CHD2: variants seen among roughly 807,000 people sequenced by gnomAD.
CHD2 encodes chromodomain helicase DNA binding protein 2, also known as ATP-dependent chromatin remodeler CHD2.
In CHD2, 28 loss-of-function variants were observed where a neutral mutation model predicts 243.9. The ratio of observed to expected loss-of-function variants is 0.11; its 90% CI spans 0.09 to 0.16. The LOEUF is 0.16. Ranked by LOEUF, CHD2 falls within the 10% of genes least tolerant of loss-of-function variation. CHD2 has a pLI of 1.00. For missense variants in CHD2, 1,386 were observed against 2,209.8 expected, an observed-to-expected ratio of 0.63 and a Z score of 7.47; for synonymous variants, 775 against 779.0, an observed-to-expected ratio of 0.99 and a Z score of 0.09.
chr15:93,014,595 A>G, intron 36 of CHD2, 101 bp from the exon 37 acceptor site: 2 of 1,024,926 alleles, frequency 2.0e-6, no homozygotes, highest in Non-Finnish European at 2.9e-6. Flanking sequence ...CAGAAGTTTA[A>G]GAAGGACAAG....
rs2053458817 is a variant in CHD2, at chr15:92,945,831, A to G, written c.1164A>G (p.Thr388=). 2 of 1,574,780 alleles carry G rather than the reference A, an allele frequency of 1.3e-6. No homozygotes were observed. The highest frequency in any genetic ancestry group is 1.7e-6 in the Non-Finnish European group (2 of 1,158,460). The change falls in exon 11 of 39, where the codon ACA becomes ACG. Residue 388 remains threonine (T), a synonymous_variant. Transcript: ENST00000394196. ...TTTTTATTTGTTTAGCTGTGAAGAC[A>G]AGTAAATCTACATTGGGTCAAACAG... ...QIVERVIAVK[T]SKSTLGQTDF...
chr15:92,916,018 T>G (rs112944300), intron 2 of CHD2, among the ~76,000 whole-genome samples: 1 of 67,392 alleles, frequency 1.5e-5, no homozygotes, highest in Admixed American at 1.6e-4. Flanking sequence ...TCTACTCTCT[T>G]CTCACATGGA....
chr15:92,978,293 G>C lies in CHD2; in HGVS notation c.2637G>C (p.Ala879=). 1 of 1,614,158 alleles carries C rather than the reference G, an allele frequency of 6.2e-7. No homozygotes were observed. The highest frequency in any genetic ancestry group is 8.5e-7 in the Non-Finnish European group (1 of 1,180,030). ...AGGLGINLAS[A]DTVVIFDSDW... ...GCCTGGGAATCAATTTGGCTTCAGC[G>C]GACACAGTCGTCATCTTTGACTCTG... The change falls in exon 21 of 39, where the codon GCG becomes GCC. Residue 879 remains alanine, a synonymous_variant. Coordinates refer to ENST00000394196, the MANE Select transcript of CHD2 (RefSeq NM_001271.4).
intron 2 of CHD2, among the ~76,000 whole-genome samples, chr15:92,908,298 G>A (rs2052659941): frequency 6.6e-6 from 1 of 152,168 alleles, no homozygotes; most frequent in African/African-American, 2.4e-5. Flanking sequence ...ATTGGCTGTA[G>A]CTTGCTTTCA....
intron 33 of CHD2, among the ~76,000 whole-genome samples, chr15:93,003,081 C>T (rs2054276849): frequency 6.6e-6 from 1 of 151,028 alleles, no homozygotes; most frequent in Non-Finnish European, 1.5e-5. Flanking sequence ...GTCATTTTTA[C>T]AGCCTTGGCA....
Position 92,997,402 on chromosome 15 carries a change from A to G in CHD2, c.3884A>G (p.Lys1295Arg). ...GACCCAGAGCTTAAATTAACTGACA[A>G]AGTAAGTAACCCTACCATGCTAGAG... ...KTDPELKLTD[K>R]ILPVETDKKP... is the part of the protein sequence containing the mutation. The change falls in exon 30 of 39, where the codon AAA becomes AGA. Residue 1295 changes from lysine (K) to arginine (R), a missense_variant and splice_region_variant. Physicochemically the swap from Lys to Arg is conservative, Grantham distance 26. This residue lies in a region of CHD2 where 99 missense variants were observed against 176.9 expected (regional missense o/e 0.56). Coordinates refer to ENST00000394196, the MANE Select transcript of CHD2 (RefSeq NM_001271.4). This position sits in a 1 kb window ranked among gnomAD's most constrained non-coding sequence, Gnocchi z 4.1. The G allele has an allele frequency of 6.3e-7, 1 of 1,577,776 alleles. No individual in the cohort carries two copies. The highest frequency in any genetic ancestry group is 8.6e-7 in the Non-Finnish European group (1 of 1,165,818).
intron 4 of CHD2, among the ~76,000 whole-genome samples, chr15:92,927,702 A>G (rs1002769752): frequency 6.6e-6 from 1 of 152,218 alleles, no homozygotes; most frequent in Non-Finnish European, 1.5e-5. Flanking sequence ...TGTTTGGTAA[A>G]CAAACAGAGC....
At chr15:92,942,063 T>C (rs955580033) in intron 8 of CHD2, 108 bp downstream of exon 8, 24 of 1,066,640 alleles carry the variant, frequency 2.3e-5, no homozygotes, top group Non-Finnish European at 3.2e-5. Flanking sequence ...CTGTATTTGT[T>C]GTGATATGTA....
intron 15 of CHD2, 149 bp downstream of exon 15, chr15:92,955,661 G>A (rs112959080): frequency 2.2e-5 from 10 of 464,112 alleles, no homozygotes; most frequent in African/African-American, 1.6e-4. Context: ...CCTCCTACTT[G>A]CCATGTTACT....
At position 92,984,421 on chromosome 15, in the gene CHD2, A is replaced by G. The variant is rs777131289; in HGVS notation, c.3158A>G (p.Lys1053Arg). 5 of 1,613,156 alleles carry G rather than the reference A, an allele frequency of 3.1e-6. No homozygotes were observed. Among genetic ancestry groups the G allele is most frequent in the Non-Finnish European group, 4.2e-6 (5 of 1,179,522 alleles). ...GAGATCATTCCAGAGGAACAAAGGAAAAAAGTAGAGGAGGAAGAGCGGCAG... is the reference window on the plus strand; with the variant it reads ...GAGATCATTCCAGAGGAACAAAGGAGAAAAGTAGAGGAGGAAGAGCGGCAG... Reference protein sequence around the residue: ...WDEIIPEEQRKKVEEEERQKE... With the variant: ...WDEIIPEEQRRKVEEEERQKE... The change falls in exon 25 of 39, where the codon AAA (lysine) becomes AGA (arginine). Residue 1053 changes from lysine (K) to arginine (R), a missense_variant. Physicochemically the swap from Lys to Arg is conservative, Grantham distance 26. Around this residue, in one of 19 missense-constraint regions of CHD2, gnomAD observed 99 missense variants for 206.4 expected, o/e 0.48. Transcript: ENST00000394196.
chr15:93,012,254 G>A, intron 35 of CHD2, 91 bp from the exon 36 acceptor site: 1 of 769,754 alleles, frequency 1.3e-6, no homozygotes, highest in Non-Finnish European at 2.1e-6. Context: ...GTATACCACA[G>A]CAAAATTTAA....
At chr15:92,993,115 G>A (rs778565705) in intron 28 of CHD2, 117 bp downstream of exon 28, 13 of 1,067,052 alleles carry the variant, frequency 1.2e-5, no homozygotes, top group Admixed American at 2.2e-5. Flanking sequence ...GTGATTTCAG[G>A]TGTTTATTCT....
chr15:92,945,676 G>A (rs977650693), intron 10 of CHD2, 145 bp from the exon 11 acceptor site: 2 of 475,048 alleles, frequency 4.2e-6, no homozygotes, highest in African/African-American at 4.1e-5. Flanking sequence ...GGGATTACAG[G>A]CGTGAGCCAC....
chr15:92,986,417 T>G (rs1483736851), intron 26 of CHD2, among the ~76,000 whole-genome samples: 2 of 152,100 alleles, frequency 1.3e-5, no homozygotes, highest in Admixed American at 6.6e-5. Flanking sequence ...AACTGTGAGG[T>G]GTTTCTTTTC....
At chr15:92,991,906 A>G (rs2054125092) in intron 27 of CHD2, 2 of 160,960 alleles carry the variant, frequency 1.2e-5, no homozygotes. Flanking sequence ...TTATGATTTT[A>G]TAATCTTCTG....
intron 32 of CHD2, 105 bp downstream of exon 32, chr15:93,000,745 T>A: frequency 1.6e-6 from 2 of 1,222,636 alleles, no homozygotes; most frequent in Non-Finnish European, 2.2e-6. Context: ...ACGAGTGGAT[T>A]AAATGGAAAT....
chr15:93,002,203 GAAA>G lies in CHD2; in HGVS notation c.4171_4173del (p.Lys1391del), dbSNP rs749969667. The G allele has an allele frequency of 6.5e-7, 1 of 1,537,738 alleles. No homozygotes were observed. Among genetic ancestry groups the G allele is most frequent in the South Asian group, 1.2e-5 (1 of 81,200 alleles). On this transcript the variant is annotated inframe_deletion, in exon 33 of 39. Transcript: ENST00000394196. The stretch of plus-strand genomic sequence containing the variant: ...ATGATGGCTTGGAAAAAAGTCCAAT[GAAA>G]AAAAAACAGAAGAAGAAAGAGAACA...
At position 92,941,887 on chromosome 15, in the gene CHD2, T is replaced by C. The variant is rs773621487; in HGVS notation, c.758T>C (p.Val253Ala). The change falls in exon 8 of 39, where the codon GTT becomes GCT. Residue 253 changes from valine (V) to alanine (A), a missense_variant. By Grantham distance (64) the Val-to-Ala change is moderately conservative. Transcript: ENST00000394196. ...CTCATTGAAATGACTGGAGAAGGAG[T>C]TGATGAACAGCAAGATAATAGTGAA... ...DDLIEMTGEGVDEQQDNSETI... is the reference protein window; with the variant it reads ...DDLIEMTGEGADEQQDNSETI... The C allele has an allele frequency of 6.2e-6, 10 of 1,613,170 alleles. No homozygotes were observed. The highest frequency in any genetic ancestry group is 7.6e-6 in the Non-Finnish European group (9 of 1,179,482).
chr15:92,948,641 G>C (rs1179144216), intron 12 of CHD2, among the ~76,000 whole-genome samples: 1 of 152,126 alleles, frequency 6.6e-6, no homozygotes, highest in Admixed American at 6.5e-5. Context: ...AGACCATCCT[G>C]GCTAGCATGG....
Sources: allele counts gnomAD v4.1 joint callset (sites outside exome capture counted in the v4.1 genomes callset), GRCh38; gene constraint gnomAD v4.1.1; regional missense constraint gnomAD v4.1.1; non-coding constraint Gnocchi (gnomAD v3.1); transcripts MANE v1.5; gene names NCBI Gene and HGNC (gene_info 2026-07-23, HGNC 2026-07-21).